The following COMMD10 variants were observed in gnomAD, a reference collection of about 807,000 sequenced individuals.
COMMD10 encodes the protein COMM domain containing 10, also known as COMM domain-containing protein 10.
Under a neutral mutation model 28.9 loss-of-function variants are expected in COMMD10, and 33 were observed. The observed-to-expected ratio is 1.14, with a 90% confidence interval of 0.87 to 1.53. COMMD10 has a LOEUF of 1.53. COMMD10 is among the 40% of genes most tolerant of loss of function. The pLI, the probability that COMMD10 is intolerant of heterozygous loss-of-function variation, is 0.00. For synonymous variants in COMMD10, 110 were observed against 81.7 expected (o/e 1.35, Z -1.87); for missense variants, 310 against 233.4 (o/e 1.33, Z -2.14).
chr5:116,235,468 C>G (rs2112658348), intron 5 of COMMD10, among the ~76,000 whole-genome samples: 1 of 152,240 alleles, frequency 6.6e-6, no homozygotes, highest in South Asian at 2.1e-4. Context: ...TTACTTAGCT[C>G]TCACCTCTTC....
intron 5 of COMMD10, among the ~76,000 whole-genome samples, chr5:116,161,704 T>C (rs1202857602): frequency 6.6e-6 from 1 of 152,132 alleles, no homozygotes; most frequent in Non-Finnish European, 1.5e-5. Context: ...GAAGCAGATC[T>C]TCATAAAGAT....
At chr5:116,198,252 C>G (rs767421913) in intron 5 of COMMD10, among the ~76,000 whole-genome samples, 1 of 152,228 alleles carries the variant, frequency 6.6e-6, no homozygotes, top group East Asian at 1.9e-4. Flanking sequence ...AGCAGCCAGT[C>G]TCTTGACTTT....
chr5:116,283,114 T>C lies in COMMD10; in HGVS notation c.511-8403T>C, dbSNP rs554695113. On this transcript the variant is annotated intron_variant, in intron 5 of 6. Transcript: ENST00000274458. The stretch of plus-strand genomic sequence containing the variant: ...GCAGTAGCCTCCAAAACATCTTACA[T>C]ATAAATGCTTTTATCTCAAGAGGAA... Among the ~76,000 whole-genome samples, 78 of 151,984 alleles carry C rather than the reference T, an allele frequency of 5.1e-4. 1 individual carries two copies. Among genetic ancestry groups the C allele is most frequent in the African/African-American group, 1.8e-3 (74 of 41,292 alleles).
intron 5 of COMMD10, among the ~76,000 whole-genome samples, chr5:116,155,024 A>T (rs956420879): frequency 4.6e-5 from 7 of 152,086 alleles, no homozygotes; most frequent in African/African-American, 1.4e-4. Flanking sequence ...TTAGTTAAGC[A>T]CTCAGAATAC....
At position 116,197,222 on chromosome 5, in the gene COMMD10, C is replaced by T. The variant is rs6894513; in HGVS notation, c.510+63044C>T. ...AAAGTTCATTTCATTCATTCAGCAT[C>T]CATTTGGTGGTAGTGTGCTTTGAAG... On this transcript the variant is annotated intron_variant, in intron 5 of 6. Transcript: ENST00000274458. 7.2e-3 allele frequency among the ~76,000 whole-genome samples: 1,093 copies of T among 152,180 alleles called. 17 individuals are homozygous for T. The highest frequency in any genetic ancestry group is 0.025 in the African/African-American group (1,048 of 41,524).
chr5:116,215,514 C>G (rs1050655940), intron 5 of COMMD10, among the ~76,000 whole-genome samples: 2 of 151,436 alleles, frequency 1.3e-5, no homozygotes, highest in African/African-American at 4.8e-5. Context: ...AGGTGAAACC[C>G]TGTCTCTACT....
chr5:116,153,748 C>T (rs983728429), intron 5 of COMMD10, among the ~76,000 whole-genome samples: 1 of 152,052 alleles, frequency 6.6e-6, no homozygotes, highest in African/African-American at 2.4e-5. Context: ...CATGGCTTCT[C>T]TAATAAACCC....
intron 5 of COMMD10, among the ~76,000 whole-genome samples, chr5:116,256,280 G>A (rs77439953): frequency 9.2e-5 from 14 of 151,734 alleles, no homozygotes; most frequent in Non-Finnish European, 1.6e-4. Flanking sequence ...ACTTCAAATG[G>A]CAGTATCGAA....
intron 4 of COMMD10, among the ~76,000 whole-genome samples, chr5:116,112,333 C>T (rs541162658): frequency 6.6e-6 from 1 of 152,056 alleles, no homozygotes; most frequent in African/African-American, 2.4e-5. Flanking sequence ...TTTTTCCACC[C>T]CTTTACTTTT....
intron 5 of COMMD10, among the ~76,000 whole-genome samples, chr5:116,210,089 T>C (rs561956087): frequency 1.4e-4 from 21 of 152,266 alleles, no homozygotes; most frequent in African/African-American, 4.8e-4. Flanking sequence ...GCCAAACTTA[T>C]TCTTTTTATA....
chr5:116,225,303 T>C (rs1178185429), intron 5 of COMMD10, among the ~76,000 whole-genome samples: 1 of 151,780 alleles, frequency 6.6e-6, no homozygotes, highest in African/African-American at 2.4e-5. Flanking sequence ...GTATTGAGTG[T>C]ATTTTTTCTT....
chr5:116,261,440 C>G (rs1344881181), intron 5 of COMMD10, among the ~76,000 whole-genome samples: 2 of 151,574 alleles, frequency 1.3e-5, no homozygotes, highest in Admixed American at 6.6e-5. Context: ...TTTGGTAAGG[C>G]TAGGAGTAAT....
At chr5:116,142,302 C>T (rs1005642319) in intron 5 of COMMD10, among the ~76,000 whole-genome samples, 1 of 151,640 alleles carries the variant, frequency 6.6e-6, no homozygotes, top group Non-Finnish European at 1.5e-5. Flanking sequence ...CTTAATAATT[C>T]TTACCCTGTC....
intron 5 of COMMD10, among the ~76,000 whole-genome samples, chr5:116,257,018 A>G (rs116118221): frequency 0.014 from 2,190 of 151,928 alleles, 42 homozygotes; most frequent in Non-Finnish European, 0.023. Flanking sequence ...GCAGGCTTTC[A>G]TACTTTACCT....
chr5:116,242,025 C>T lies in COMMD10; in HGVS notation c.511-49492C>T, dbSNP rs190353815. Among the ~76,000 whole-genome samples, 414 of 152,232 alleles carry T rather than the reference C, an allele frequency of 2.7e-3. 2 individuals carry two copies. The highest frequency in any genetic ancestry group is 9.6e-3 in the African/African-American group (397 of 41,552). ...TCTTACATTAAACAAAAAGGCAGAC[C>T]TATGTCACCTGGAGTCATAGGACCC... On this transcript the variant is annotated intron_variant, in intron 5 of 6. Transcript: ENST00000274458.
At chr5:116,229,755 G>C (rs550275060) in intron 5 of COMMD10, among the ~76,000 whole-genome samples, 35 of 151,986 alleles carry the variant, frequency 2.3e-4, no homozygotes, top group African/African-American at 7.0e-4. Context: ...CAAGTGAAAA[G>C]ATATATCTTT....
At chr5:116,260,524 A>G (rs1026401925) in intron 5 of COMMD10, among the ~76,000 whole-genome samples, 1 of 151,848 alleles carries the variant, frequency 6.6e-6, no homozygotes, top group Non-Finnish European at 1.5e-5. Flanking sequence ...GTAAATTCTA[A>G]CTTAACCAAT....
intron 5 of COMMD10, among the ~76,000 whole-genome samples, chr5:116,160,574 C>A (rs960655727): frequency 6.6e-5 from 10 of 151,638 alleles, no homozygotes; most frequent in African/African-American, 2.4e-4. Context: ...TGCATCAGAT[C>A]TAAAGATTTT....
intron 5 of COMMD10, among the ~76,000 whole-genome samples, chr5:116,213,273 G>C (rs994269214): frequency 6.6e-6 from 1 of 152,212 alleles, no homozygotes; most frequent in Non-Finnish European, 1.5e-5. Context: ...AAAGATGCCA[G>C]ACTCAAACAG....
Sources: allele counts gnomAD v4.1 joint callset (sites outside exome capture counted in the v4.1 genomes callset), GRCh38; gene constraint gnomAD v4.1.1; transcripts MANE v1.5; gene names NCBI Gene and HGNC (gene_info 2026-07-23, HGNC 2026-07-21).